Variants in TSPOAP1 observed in about 807,000 individuals in gnomAD.
TSPOAP1 encodes peripheral-type benzodiazepine receptor-associated protein 1.
TSPOAP1 carries 87 observed loss-of-function variants against 197.0 expected under a neutral mutation model. That is an observed-to-expected ratio of 0.44 (90% CI 0.37 to 0.53). The LOEUF is 0.53. Among genes scored for constraint, TSPOAP1 ranks in the 20% least tolerant of loss-of-function variants. The pLI is 0.00. For missense variants in TSPOAP1, 2,174 were observed against 2,411.3 expected (o/e 0.90, Z 2.06); for synonymous variants, 913 against 998.9 (o/e 0.91, Z 1.62).
chr17:58,325,706 G>A lies in TSPOAP1; in HGVS notation c.578C>T (p.Ala193Val), dbSNP rs1049824845. ...GCTGGTCCCCGGCCGGGGCAAGGGG[G>A]CACTCACCTAGCCAGAGGAGGGGTA... ...LQETNLRVVS[A>V]PLPRPGTSLE... The change falls in exon 4 of 32, where the codon GCC becomes GTC. Residue 193 changes from alanine (A) to valine (V), a missense_variant. Transcript: ENST00000343736. 8 of 1,607,796 alleles carry A rather than the reference G, an allele frequency of 5.0e-6. No homozygotes were observed. Among genetic ancestry groups the A allele is most frequent in the South Asian group, 3.3e-5 (3 of 90,420 alleles).
Position 58,322,244 on chromosome 17 carries a change from TG to T in TSPOAP1, c.1422+63del. 1 of 1,504,496 alleles carries T rather than the reference TG, an allele frequency of 6.6e-7. No homozygotes were observed. Among genetic ancestry groups the T allele is most frequent in the Non-Finnish European group, 9.1e-7 (1 of 1,097,792 alleles). The allele number at this position is 1,504,496 out of a possible 1,614,324, so 93.2% of individuals were successfully genotyped here. ...GTGCCGGGCACACAGTAAATGCTTG[TG>T]GAATGAGTGAGTGGCAAAGCTGGTG... On this transcript the variant is annotated intron_variant, in intron 10 of 31. Transcript: ENST00000343736. The surrounding 1 kb of genome is among the most constrained non-coding windows in gnomAD (Gnocchi z 5.0).
chr17:58,314,562 A>G (rs1198327593), intron 16 of TSPOAP1, among the ~76,000 whole-genome samples: 1 of 152,236 alleles, frequency 6.6e-6, no homozygotes, highest in Non-Finnish European at 1.5e-5. Flanking sequence ...CCGTAAGCTA[A>G]AAGAGACAAG....
rs371250340 is a variant in TSPOAP1, at chr17:58,312,109, G to A, written c.2712C>T (p.Pro904=). The A allele has an allele frequency of 4.1e-5, 66 of 1,613,326 alleles. No individual in the cohort carries two copies. The highest frequency in any genetic ancestry group is 3.6e-4 in the African/African-American group (27 of 75,060). Residue 904 remains proline (P), a synonymous_variant, in exon 17 of 32, where the codon CCC becomes CCT. Transcript: ENST00000343736. The part of the protein sequence containing the change: ...TATSAEITWV[P]GNSNLAHAIY... Reference sequence around the variant, plus strand: ...TGGCATGGGCCAAGTTGCTATTGCCGGGCACCCAGGTGATCTCAGCAGATG... The same window carrying A: ...TGGCATGGGCCAAGTTGCTATTGCCAGGCACCCAGGTGATCTCAGCAGATG...
rs367654665 is a variant in TSPOAP1, at chr17:58,322,618, G to GCC, written c.1317+34_1317+35dup. ...TGTCCCACTTGCTCCCCATGCCAGG[G>GCC]CCCAGCACCCTCTCCCACCTGCACC... On this transcript the variant is annotated intron_variant, in intron 9 of 31. Transcript: ENST00000343736. This position sits in a 1 kb window ranked among gnomAD's most constrained non-coding sequence, Gnocchi z 5.0. The GCC allele has an allele frequency of 3.7e-6, 6 of 1,603,714 alleles. No homozygotes were observed.
Position 58,310,712 on chromosome 17 carries a change from T to G in TSPOAP1, c.3499A>C (p.Arg1167=), listed in dbSNP as rs775243687. 3.7e-6 allele frequency: 6 copies of G among 1,612,702 alleles called. No homozygotes were observed. The Admixed American group carries it at 8.3e-5, about 22-fold the overall frequency. Residue 1167 remains arginine, a synonymous_variant, in exon 20 of 32, where the codon AGG becomes CGG. Coordinates refer to ENST00000343736, the MANE Select transcript of TSPOAP1 (RefSeq NM_004758.4). The part of the protein sequence containing the change: ...GAAVLGTSEE[R]TASTSTLGEK... ...CCCAGGGTAGATGTGCTGGCTGTCC[T>G]CTCCTCTGAGGTGCCCAGCACTGCT...
At position 58,302,133 on chromosome 17, in the gene TSPOAP1, G is replaced by T; in HGVS notation, c.*347C>A. On this transcript the variant is annotated 3_prime_UTR_variant, in exon 32 of 32. Coordinates refer to ENST00000343736, the MANE Select transcript of TSPOAP1 (RefSeq NM_004758.4). ...GCTCTGACCTTCACCAAGGCTCTTT[G>T]ATTCCCTCTGAATGCCACAGTGTTA... 1 of 798,290 alleles carries T rather than the reference G, an allele frequency of 1.3e-6. No homozygotes were observed. The allele number at this position is 798,290 out of a possible 1,614,324, so 49.5% of individuals were successfully genotyped here. A position where few individuals can be genotyped will look rare whatever the true frequency, so the allele number is the denominator to read the frequency against.
chr17:58,306,348 T>C lies in TSPOAP1; in HGVS notation c.5218A>G (p.Lys1740Glu). 3 of 1,554,588 alleles carry C rather than the reference T, an allele frequency of 1.9e-6. No individual in the cohort carries two copies. Among genetic ancestry groups the C allele is most frequent in the Non-Finnish European group, 1.7e-6 (2 of 1,148,526 alleles). The change falls in exon 26 of 32, where the codon AAG (lysine) becomes GAG (glutamate). Residue 1740 changes from lysine to glutamate, a missense_variant. Transcript: ENST00000343736. ...TGPPPKPRRS[K>E]KAESEGPAQP... ...AGAATGGGGTCTTACCCACCTTTCT[T>C]GGAGCGGCGGGGCTTGGGAGGAGGC...
chr17:58,311,785 A>T, intron 17 of TSPOAP1, 63 bp from the exon 18 acceptor site: 1 of 1,506,446 alleles, frequency 6.6e-7, no homozygotes, highest in Non-Finnish European at 8.9e-7. Context: ...ATACCTGCCC[A>T]ATTTGCTATT....
At position 58,324,900 on chromosome 17, in the gene TSPOAP1, G is replaced by T. The variant is rs1383726384; in HGVS notation, c.853C>A (p.Arg285=). 3 of 1,534,890 alleles carry T rather than the reference G, an allele frequency of 2.0e-6. No homozygotes were observed. Among genetic ancestry groups the T allele is most frequent in the Non-Finnish European group, 2.6e-6 (3 of 1,145,168 alleles). Residue 285 remains arginine (R), a synonymous_variant, in exon 5 of 32, where the codon CGG becomes AGG. Transcript: ENST00000343736. The surrounding 1 kb of genome is among the most constrained non-coding windows in gnomAD (Gnocchi z 5.8). ...LQRQIALRNQ[R]ETLPLPPSWP... ...GACGGCGGGAGCGGGAGCGTCTCCC[G>T]CTGGTTGCGCAGCGCGATCTGCCTC...
At chr17:58,310,460 G>T in intron 20 of TSPOAP1, 52 bp downstream of exon 20, 1 of 1,596,138 alleles carries the variant, frequency 6.3e-7, no homozygotes. Flanking sequence ...CAAAAGGTAG[G>T]GAGACAGGCC....
chr17:58,309,160 C>T lies in TSPOAP1; in HGVS notation c.4112G>A (p.Ser1371Asn), dbSNP rs760518661. 4 of 1,613,990 alleles carry T rather than the reference C, an allele frequency of 2.5e-6. No individual in the cohort carries two copies. The highest frequency in any genetic ancestry group is 1.7e-5 in the Admixed American group (1 of 60,034). The change falls in exon 22 of 32, where the codon AGT (serine) becomes AAT (asparagine). Residue 1371 changes from serine to asparagine, a missense_variant. Ser to Asn is a conservative substitution (Grantham distance 46). Coordinates refer to ENST00000343736, the MANE Select transcript of TSPOAP1 (RefSeq NM_004758.4). This position sits in a 1 kb window ranked among gnomAD's most constrained non-coding sequence, Gnocchi z 5.0. ...CTGGCCAGGTCTTCGGGGCTGACCA[C>T]TGTCACAGCCCAGCCCCAGCAATGC... The part of the protein sequence containing the change: ...EPALLGLGCD[S>N]GQPRRPGQCP...
rs779263964 is a variant in TSPOAP1, at chr17:58,305,414, C to G, written c.5406G>C (p.Gly1802=). The G allele has an allele frequency of 6.2e-7, 1 of 1,613,908 alleles. No individual in the cohort carries two copies. The highest frequency in any genetic ancestry group is 8.5e-7 in the Non-Finnish European group (1 of 1,179,982). ...FRAGDVITVF[G]GMDDDGFYYG... is the part of the protein sequence containing the mutation. ...AGTAGAAACCGTCATCGTCCATGCC[C>G]CCAAACACAGTAATGACATCCCCTG... The change falls in exon 29 of 32, where the codon GGG becomes GGC. Residue 1802 remains glycine (G), a synonymous_variant. Transcript: ENST00000343736.
At chr17:58,317,196 AAAAC>A (rs911250784) in intron 14 of TSPOAP1, among the ~76,000 whole-genome samples, 10 of 152,118 alleles carry the variant, frequency 6.6e-5, no homozygotes, top group East Asian at 3.9e-4. Context: ...GCCCTGTCTA[AAAAC>A]AAACAAACAA....
rs541922992 is a variant in TSPOAP1, at chr17:58,319,249, G to A, written c.1540C>T (p.Gln514Ter). 3 of 1,598,082 alleles carry A rather than the reference G, an allele frequency of 1.9e-6. No homozygotes were observed. The highest frequency in any genetic ancestry group is 1.7e-6 in the Non-Finnish European group (2 of 1,172,498). The change falls in exon 13 of 32, where the codon CAG becomes TAG. Residue 514 changes from glutamine (Q) to a stop codon, truncating the protein, a stop_gained. Transcript: ENST00000343736. LOFTEE classifies it high-confidence loss of function. ...LEEQCRSQTE[Q>*]FSLLAQELQA... ...AGTTCCTGTGCCAGGAGGCTGAACTGCTCGGTTTGGCTGCGGCACTGTTCT... is the reference window on the plus strand; with the variant it reads ...AGTTCCTGTGCCAGGAGGCTGAACTACTCGGTTTGGCTGCGGCACTGTTCT...
In TSPOAP1 at chr17:58,319,279, G is replaced by A. The variant is rs1396798875; in HGVS notation, c.1510C>T (p.Leu504Phe). The A allele has an allele frequency of 6.3e-7, 1 of 1,585,394 alleles. No homozygotes were observed. The highest frequency in any genetic ancestry group is 8.6e-7 in the Non-Finnish European group (1 of 1,165,844). ...LDSMQARVRELEEQCRSQTEQ... is the reference protein window; with the variant it reads ...LDSMQARVREFEEQCRSQTEQ... ...GTTTGGCTGCGGCACTGTTCTTCGA[G>A]CTCTCGAACCCGGGCCTGGGCCAAG... The change falls in exon 13 of 32, where the codon CTC (leucine) becomes TTC (phenylalanine). Residue 504 changes from leucine to phenylalanine, a missense_variant. Around this residue, in one of 5 missense-constraint regions of TSPOAP1, gnomAD observed 1,933 missense variants for 2,139.0 expected, o/e 0.90. Transcript: ENST00000343736.
intron 26 of TSPOAP1, 121 bp downstream of exon 26, chr17:58,306,221 C>T: frequency 1.9e-6 from 2 of 1,062,194 alleles, no homozygotes; most frequent in Non-Finnish European, 1.4e-6. Context: ...GACAGCCAAG[C>T]AGCGCCACCC....
chr17:58,308,440 T>C, intron 22 of TSPOAP1, 101 bp downstream of exon 22: 1 of 1,466,836 alleles, frequency 6.8e-7, no homozygotes, highest in Non-Finnish European at 9.0e-7. Flanking sequence ...CCTCTGCTGA[T>C]GGAGGCAGGC....
In TSPOAP1 at chr17:58,324,434, G is replaced by C. The variant is rs1425489649; in HGVS notation, c.942+377C>G. Reference sequence around the variant, plus strand: ...CCTGGCCAGCCAGGCGGGCGCTGACGGGGGCGTCCCCGCTCTACGGCGGCG... The same window carrying C: ...CCTGGCCAGCCAGGCGGGCGCTGACCGGGGCGTCCCCGCTCTACGGCGGCG... On this transcript the variant is annotated intron_variant, in intron 5 of 31. Coordinates refer to ENST00000343736, the MANE Select transcript of TSPOAP1 (RefSeq NM_004758.4). The surrounding 1 kb of genome is among the most constrained non-coding windows in gnomAD (Gnocchi z 5.8). 6.6e-6 allele frequency among the ~76,000 whole-genome samples: 1 copy of C among 151,950 alleles called. No homozygotes were observed. The highest frequency in any genetic ancestry group is 2.4e-5 in the African/African-American group (1 of 41,404).
intron 20 of TSPOAP1, 86 bp downstream of exon 20, chr17:58,310,426 A>C: frequency 6.4e-7 from 1 of 1,560,824 alleles, no homozygotes. Context: ...GGACAGGCAG[A>C]GAGGGCAACT....
Sources: gnomAD v4.1 joint callset for allele counts (sites outside exome capture counted in the v4.1 genomes callset) on GRCh38, gnomAD v4.1.1 for gene constraint, gnomAD v4.1.1 regional missense constraint, Gnocchi (gnomAD v3.1) non-coding constraint, MANE v1.5 for transcripts, NCBI Gene and HGNC (gene_info 2026-07-23, HGNC 2026-07-21) for gene names.